Variants in PEBP4 observed in about 807,000 individuals in gnomAD.
The protein encoded by PEBP4 is phosphatidylethanolamine binding protein 4.
Under a neutral mutation model 23.9 loss-of-function variants are expected in PEBP4, and 22 were observed. That is an observed-to-expected ratio of 0.92 (90% CI 0.66 to 1.31). PEBP4 has a LOEUF of 1.31. Ranked by LOEUF, PEBP4 falls within the 40% of genes most tolerant of loss-of-function variation. The probability of loss-of-function intolerance (pLI) is 0.00; values close to 1 mark genes in which losing one functional copy is unlikely to be tolerated. For missense variants in PEBP4, 324 were observed against 281.7 expected (o/e 1.15, Z -1.07); for synonymous variants, 112 against 99.3 (o/e 1.13, Z -0.76).
chr8:22,885,758 T>C (rs1808359548), intron 3 of PEBP4: 1 of 152,202 alleles, frequency 6.6e-6, no homozygotes, highest in Admixed American at 6.5e-5. Context: ...TGCATGCAGA[T>C]GAATACGCCT....
chr8:22,777,715 C>T (rs1203691175), intron 4 of PEBP4, among the ~76,000 whole-genome samples: 5 of 152,116 alleles, frequency 3.3e-5, no homozygotes, highest in African/African-American at 9.7e-5. Context: ...CTGCTCCAAG[C>T]CCCCAGCCTT....
At chr8:22,867,224 G>A (rs1807922599) in intron 3 of PEBP4, among the ~76,000 whole-genome samples, 2 of 152,102 alleles carry the variant, frequency 1.3e-5, no homozygotes, top group Admixed American at 1.3e-4. Context: ...TCTATCTTTG[G>A]AGGTGAAAAA....
intron 3 of PEBP4, among the ~76,000 whole-genome samples, chr8:22,835,108 G>A (rs866996567): frequency 2.0e-5 from 3 of 152,216 alleles, no homozygotes; most frequent in Non-Finnish European, 2.9e-5. Flanking sequence ...GCTGGGGTAC[G>A]TGGATTCCAG....
At chr8:22,797,461 G>A (rs1806288033) in intron 4 of PEBP4, among the ~76,000 whole-genome samples, 2 of 152,188 alleles carry the variant, frequency 1.3e-5, no homozygotes, top group Admixed American at 1.3e-4. Context: ...CTCATTGGCA[G>A]AAGAGATCAG....
intron 3 of PEBP4, among the ~76,000 whole-genome samples, chr8:22,856,143 A>G (rs1807642999): frequency 1.3e-5 from 2 of 152,122 alleles, no homozygotes; most frequent in South Asian, 4.1e-4. Flanking sequence ...GGGATAATAT[A>G]CCTAATGTAC....
Position 22,727,178 on chromosome 8 carries a change from A to G in PEBP4, c.400T>C (p.Ser134Pro). The G allele has an allele frequency of 1.2e-6, 2 of 1,613,948 alleles. No individual in the cohort carries two copies. Among genetic ancestry groups the G allele is most frequent in the East Asian group, 2.2e-5 (1 of 44,870 alleles). The change falls in exon 5 of 7, where the codon TCA becomes CCA. Residue 134 changes from serine (S) to proline (P), a missense_variant. Coordinates refer to ENST00000256404, the MANE Select transcript of PEBP4 (RefSeq NM_144962.3). The stretch of plus-strand genomic sequence containing the variant: ...GGGTCCCTAGGGTCTTACTCACCTG[A>G]TAACTCCTGGCCCTGAATCTTCCCT... ...KKGKIQGQELSAYQAPSPPAH... is the reference protein window; with the variant it reads ...KKGKIQGQELPAYQAPSPPAH...
At chr8:22,768,527 C>T (rs915046414) in intron 4 of PEBP4, among the ~76,000 whole-genome samples, 6 of 152,204 alleles carry the variant, frequency 3.9e-5, no homozygotes, top group African/African-American at 4.8e-5. Context: ...TGACAGTTCC[C>T]GGGCCTCCGG....
intron 2 of PEBP4, chr8:22,925,013 C>T: frequency 3.0e-6 from 3 of 985,376 alleles, no homozygotes; most frequent in Non-Finnish European, 3.6e-6. Flanking sequence ...TCTGGGGGAT[C>T]TCTTGCCAAG....
intron 2 of PEBP4, among the ~76,000 whole-genome samples, chr8:22,924,143 G>C (rs777780197): frequency 1.1e-4 from 17 of 152,108 alleles, no homozygotes; most frequent in Non-Finnish European, 2.4e-4. Context: ...CAGCAGGATT[G>C]CTTGAGCCCA....
At position 22,833,331 on chromosome 8, in the gene PEBP4, T is replaced by A. The variant is rs4872030; in HGVS notation, c.259-15596A>T. 6.6e-3 allele frequency among the ~76,000 whole-genome samples: 1,009 copies of A among 152,298 alleles called. 37 individuals are homozygous for A. Among genetic ancestry groups the A allele is most frequent in the Admixed American group, 0.06 (911 of 15,300 alleles). On this transcript the variant is annotated intron_variant, in intron 3 of 6. Coordinates refer to ENST00000256404, the MANE Select transcript of PEBP4 (RefSeq NM_144962.3). ...CTGAGGACCATCAAGCATGGCATGA[T>A]CCCTCTTTCTGTTTTTTTGAGATAG...
intron 4 of PEBP4, among the ~76,000 whole-genome samples, chr8:22,776,050 A>G (rs1316177020): frequency 6.6e-6 from 1 of 152,064 alleles, no homozygotes; most frequent in Non-Finnish European, 1.5e-5. Context: ...TGGGGCAGGC[A>G]CCATTACCTC....
chr8:22,760,872 AG>A (rs1805493427), intron 4 of PEBP4, among the ~76,000 whole-genome samples: 1 of 152,202 alleles, frequency 6.6e-6, no homozygotes, highest in African/African-American at 2.4e-5. Flanking sequence ...GGTCTAGACC[AG>A]GTGACCTTGA....
At chr8:22,737,989 G>A (rs1192703203) in intron 4 of PEBP4, among the ~76,000 whole-genome samples, 5 of 152,090 alleles carry the variant, frequency 3.3e-5, no homozygotes, top group Non-Finnish European at 5.9e-5. Flanking sequence ...TGCTGCCTCC[G>A]TCCACCCTTG....
intron 3 of PEBP4, among the ~76,000 whole-genome samples, chr8:22,901,991 C>A (rs567280194): frequency 1.3e-5 from 2 of 152,298 alleles, no homozygotes; most frequent in South Asian, 4.1e-4. Flanking sequence ...CCAAGTGCGG[C>A]TTTACTGCAT....
intron 4 of PEBP4, among the ~76,000 whole-genome samples, chr8:22,797,345 C>T (rs1256353452): frequency 6.6e-6 from 1 of 151,724 alleles, no homozygotes; most frequent in East Asian, 1.9e-4. Flanking sequence ...ACAAAAGCCA[C>T]CACCAAGAAA....
In PEBP4 at chr8:22,775,626, G is replaced by C. The variant is rs186466172; in HGVS notation, c.357+42011C>G. Among the ~76,000 whole-genome samples the C allele has an allele frequency of 3.3e-5, 5 of 152,278 alleles. No individual in the cohort carries two copies. Among genetic ancestry groups the C allele is most frequent in the Non-Finnish European group, 7.4e-5 (5 of 68,018 alleles). On this transcript the variant is annotated intron_variant, in intron 4 of 6. Transcript: ENST00000256404. This position sits in a 1 kb window ranked among gnomAD's most constrained non-coding sequence, Gnocchi z 4.8. ...AGCCTATTTGTCTGTGTGTGGGAGA[G>C]GGTTTGCTGGGAAGGAGGGGGACGG...
chr8:22,792,713 C>T (rs1806163604), intron 4 of PEBP4, among the ~76,000 whole-genome samples: 1 of 151,900 alleles, frequency 6.6e-6, no homozygotes, highest in East Asian at 1.9e-4. Flanking sequence ...AAGGAAGGAC[C>T]CTGGCCCTGC....
Position 22,940,490 on chromosome 8 carries a change from C to CTTTTTTTTTT in PEBP4, c.145-12780_145-12771dup, listed in dbSNP as rs761722562. On this transcript the variant is annotated intron_variant, in intron 1 of 1. Transcript: ENST00000522278. ...AACACCACCTTTACCATGAATTTCT[C>CTTTTTTTTTT]TTTTTTTTTTTTTTTCGAGACGGAG... 4.4e-3 allele frequency among the ~76,000 whole-genome samples: 486 copies of CTTTTTTTTTT among 109,978 alleles called. 20 individuals are homozygous for CTTTTTTTTTT. Among genetic ancestry groups the CTTTTTTTTTT allele is most frequent in the East Asian group, 9.8e-3 (40 of 4,092 alleles). The allele number at this position is 109,978 out of a possible 152,430, so 72.1% of individuals were successfully genotyped here.
rs540603541 is a variant in PEBP4, at chr8:22,872,923, C to T, written c.258+47261G>A. Among the ~76,000 whole-genome samples the T allele has an allele frequency of 4.9e-4, 74 of 152,194 alleles. No individual in the cohort carries two copies. The South Asian group carries it at 0.012, about 25-fold the overall frequency. On this transcript the variant is annotated intron_variant, in intron 3 of 6. Coordinates refer to ENST00000256404, the MANE Select transcript of PEBP4 (RefSeq NM_144962.3). Reference sequence around the variant, plus strand: ...AACTCCTGATGTCAGGTGATCCGCCCGCCTCGGCCTCCCAAACTGCTGGGA... The same window carrying T: ...AACTCCTGATGTCAGGTGATCCGCCTGCCTCGGCCTCCCAAACTGCTGGGA...
Sources: allele counts gnomAD v4.1 joint callset (sites outside exome capture counted in the v4.1 genomes callset), GRCh38; gene constraint gnomAD v4.1.1; non-coding constraint Gnocchi (gnomAD v3.1); transcripts MANE v1.5; gene names NCBI Gene and HGNC (gene_info 2026-07-23, HGNC 2026-07-21).